TMEM132C: variants seen among roughly 807,000 people sequenced by gnomAD.
TMEM132C encodes the protein protein phosphatase 1, regulatory subunit 152.
In TMEM132C, 29 loss-of-function variants were observed where a neutral mutation model predicts 61.4. The ratio of observed to expected loss-of-function variants is 0.47; its 90% CI spans 0.35 to 0.64. TMEM132C has a LOEUF of 0.64. TMEM132C is among the 30% of genes least tolerant of loss of function. The pLI, the probability that TMEM132C is intolerant of heterozygous loss-of-function variation, is 0.00. For synonymous variants in TMEM132C, 656 were observed against 633.1 expected (o/e 1.04, Z -0.54); for missense variants, 1,408 against 1,476.9 (o/e 0.95, Z 0.76).
chr12:128,601,018 G>A (rs577325418), intron 3 of TMEM132C, among the ~76,000 whole-genome samples: 8 of 152,186 alleles, frequency 5.3e-5, no homozygotes, highest in East Asian at 3.9e-4. Context: ...GTTTAGTAGC[G>A]CTCAGCAGGC....
At chr12:128,444,676 C>A (rs1349521472) in intron 2 of TMEM132C, among the ~76,000 whole-genome samples, 1 of 152,216 alleles carries the variant, frequency 6.6e-6, no homozygotes, top group African/African-American at 2.4e-5. Context: ...AAACTCCAGT[C>A]TTCTTTGGCT....
At chr12:128,596,363 G>C (rs1875949722) in intron 3 of TMEM132C, among the ~76,000 whole-genome samples, 1 of 150,616 alleles carries the variant, frequency 6.6e-6, no homozygotes, top group Non-Finnish European at 1.5e-5. Flanking sequence ...CCCTTTCGCA[G>C]GTCCTGGTAC....
intron 3 of TMEM132C, among the ~76,000 whole-genome samples, chr12:128,596,617 CA>C (rs1353984168): frequency 6.7e-6 from 1 of 148,840 alleles, no homozygotes; most frequent in African/African-American, 2.5e-5. Context: ...TCACTGATCC[CA>C]TGTCCTCTCC....
intron 1 of TMEM132C, among the ~76,000 whole-genome samples, chr12:128,340,316 T>A (rs1630450): frequency 0.081 from 12,283 of 152,210 alleles, 923 homozygotes; most frequent in African/African-American, 0.2. Flanking sequence ...ATTTTGCTTA[T>A]CTGCTTGAAT....
chr12:128,370,215 A>T (rs929380797), intron 1 of TMEM132C, among the ~76,000 whole-genome samples: 3 of 152,106 alleles, frequency 2.0e-5, no homozygotes, highest in Admixed American at 2.0e-4. Flanking sequence ...GGAGATCCAC[A>T]CCTTCCTGCA....
chr12:128,603,735 G>T (rs1315097307), intron 3 of TMEM132C, among the ~76,000 whole-genome samples: 1 of 152,172 alleles, frequency 6.6e-6, no homozygotes, highest in Non-Finnish European at 1.5e-5. Flanking sequence ...TCAGGGTGCG[G>T]TAAAGAAGCT....
At chr12:128,515,383 G>A (rs1180502460) in intron 2 of TMEM132C, among the ~76,000 whole-genome samples, 1 of 152,196 alleles carries the variant, frequency 6.6e-6, no homozygotes, top group East Asian at 1.9e-4. Flanking sequence ...AGGTGCAAAA[G>A]CCAGTGAGGA....
intron 4 of TMEM132C, among the ~76,000 whole-genome samples, chr12:128,636,532 G>A (rs1954104998): frequency 6.7e-6 from 1 of 150,048 alleles, no homozygotes; most frequent in Non-Finnish European, 1.5e-5. Flanking sequence ...CCTTTTGTGG[G>A]TTTTGTTCTG....
At chr12:128,342,528 G>A (rs1048482172) in intron 1 of TMEM132C, among the ~76,000 whole-genome samples, 21 of 152,138 alleles carry the variant, frequency 1.4e-4, no homozygotes, top group African/African-American at 4.8e-4. Context: ...GCCCCTGGCC[G>A]AGGTGTCACT....
intron 3 of TMEM132C, among the ~76,000 whole-genome samples, chr12:128,572,079 C>T (rs1195790773): frequency 6.6e-6 from 1 of 152,040 alleles, no homozygotes; most frequent in Non-Finnish European, 1.5e-5. Context: ...ATTGGCCAGG[C>T]CTGTGTCACA....
chr12:128,617,394 G>A (rs571458784), intron 4 of TMEM132C, among the ~76,000 whole-genome samples: 66 of 152,312 alleles, frequency 4.3e-4, no homozygotes, highest in Non-Finnish European at 8.5e-4. Context: ...AAATCCTTTG[G>A]GACAGAGACT....
chr12:128,473,330 T>TACTC, intron 2 of TMEM132C, among the ~76,000 whole-genome samples: 1 of 3,652 alleles, frequency 2.7e-4, no homozygotes, highest in East Asian at 0.014. Flanking sequence ...ATCTTCATCT[T>TACTC]CAGTCCAGCC....
intron 2 of TMEM132C, among the ~76,000 whole-genome samples, chr12:128,476,586 T>A (rs1251174828): frequency 1.3e-5 from 2 of 152,182 alleles, no homozygotes; most frequent in Non-Finnish European, 2.9e-5. Flanking sequence ...GCATTTAGTG[T>A]TAGAAGAAAA....
At chr12:128,468,666 C>T (rs1870825060) in intron 2 of TMEM132C, among the ~76,000 whole-genome samples, 1 of 152,114 alleles carries the variant, frequency 6.6e-6, no homozygotes, top group South Asian at 2.1e-4. Context: ...TCTCTGACTG[C>T]CAAGGTGGAG....
At chr12:128,669,658 C>G in intron 5 of TMEM132C, 98 bp downstream of exon 5, 1 of 1,424,878 alleles carries the variant, frequency 7.0e-7, no homozygotes. Context: ...TGACGTTCAA[C>G]TATACAGAGG....
rs143285323 is a variant in TMEM132C, at chr12:128,578,976, C to G, written c.1121+34873C>G. On this transcript the variant is annotated intron_variant, in intron 3 of 8. Coordinates refer to ENST00000435159, the MANE Select transcript of TMEM132C (RefSeq NM_001136103.3). The stretch of plus-strand genomic sequence containing the variant: ...AAAACATGACTCCAAATAGAGGTGA[C>G]TAGGGGAGTTTTATTTTTAGGGGAT... Among the ~76,000 whole-genome samples, 243 of 152,190 alleles carry G rather than the reference C, an allele frequency of 1.6e-3. 1 individual carries two copies. Among genetic ancestry groups the G allele is most frequent in the African/African-American group, 5.5e-3 (229 of 41,518 alleles).
At chr12:128,563,610 C>T (rs1007742462) in intron 3 of TMEM132C, among the ~76,000 whole-genome samples, 5 of 152,146 alleles carry the variant, frequency 3.3e-5, no homozygotes, top group East Asian at 1.9e-4. Flanking sequence ...CATGCGCTCT[C>T]GGGCAAGTCT....
intron 2 of TMEM132C, among the ~76,000 whole-genome samples, chr12:128,489,377 G>GAAA (rs11449941): frequency 2.8e-5 from 4 of 143,918 alleles, no homozygotes; most frequent in Non-Finnish European, 6.1e-5. Context: ...ATAAAAGCTG[G>GAAA]AAAAAAAAAA....
chr12:128,466,250 C>T (rs1473640646), intron 2 of TMEM132C, among the ~76,000 whole-genome samples: 1 of 152,084 alleles, frequency 6.6e-6, no homozygotes, highest in Non-Finnish European at 1.5e-5. Flanking sequence ...ACCCAGGGAT[C>T]CAAGTTGTCC....
Sources: gnomAD v4.1 joint callset for allele counts (sites outside exome capture counted in the v4.1 genomes callset) on GRCh38, gnomAD v4.1.1 for gene constraint, MANE v1.5 for transcripts, NCBI Gene and HGNC (gene_info 2026-07-23, HGNC 2026-07-21) for gene names.